The following NFASC variants were observed in gnomAD, a reference collection of about 807,000 sequenced individuals.
The protein encoded by NFASC is neurofascin homolog.
A neutral mutation model predicts 147.5 loss-of-function variants in NFASC; 43 were observed. The ratio of observed to expected loss-of-function variants is 0.29; its 90% confidence interval spans 0.23 to 0.38. The LOEUF (loss-of-function observed/expected upper bound fraction) is 0.38. Ranked by LOEUF, NFASC falls within the 10% of genes least tolerant of loss-of-function variation. The pLI, the probability that NFASC is intolerant of heterozygous loss-of-function variation, is 1.00. For missense variants in NFASC, 1,320 were observed against 1,689.0 expected (o/e 0.78, Z 3.83); for synonymous variants, 622 against 665.5 (o/e 0.93, Z 1.01).
chr1:204,897,319 G>T (rs1210157679), intron 1 of NFASC, among the ~76,000 whole-genome samples: 1 of 152,158 alleles, frequency 6.6e-6, no homozygotes. Flanking sequence ...GTGCCTGTGG[G>T]CAGGCTGGGA....
At chr1:204,895,990 A>T (rs2083308790) in intron 1 of NFASC, among the ~76,000 whole-genome samples, 1 of 152,148 alleles carries the variant, frequency 6.6e-6, no homozygotes, top group Admixed American at 6.5e-5. Context: ...TGCAAAGGGG[A>T]TCAGTGTCCA....
Position 204,919,314 on chromosome 1 carries a change from C to T in NFASC, c.-199-1318C>T, listed in dbSNP as rs533246013. On this transcript the variant is annotated intron_variant, in intron 1 of 29. Transcript: ENST00000339876. ...TGCTAGGATTACAGGCGTGAGCCACCGCACCTGGCCCCTGTAGGTCTTTTA... is the reference window on the plus strand; with the variant it reads ...TGCTAGGATTACAGGCGTGAGCCACTGCACCTGGCCCCTGTAGGTCTTTTA... Among the ~76,000 whole-genome samples, 12 of 152,236 alleles carry T rather than the reference C, an allele frequency of 7.9e-5. No homozygotes were observed. In the East Asian group the frequency reaches 1.2e-3, roughly 15 times the overall value.
In NFASC at chr1:205,016,653, G is replaced by A. The variant is rs1574572261; in HGVS notation, c.*114G>A. 5.2e-6 allele frequency: 4 copies of A among 771,608 alleles called. No individual in the cohort carries two copies. The highest frequency in any genetic ancestry group is 2.7e-5 in the East Asian group (1 of 37,554). 47.8% of individuals were successfully genotyped at this position (771,608 alleles called of 1,614,324 possible). Reference sequence around the variant, plus strand: ...CCACCACCTTCAGTAACAAGGGTACGATATGGGGGTCTGCCAAGCTGTGAG... The same window carrying A: ...CCACCACCTTCAGTAACAAGGGTACAATATGGGGGTCTGCCAAGCTGTGAG... On this transcript the variant is annotated 3_prime_UTR_variant, in exon 30 of 30. Transcript: ENST00000339876. The surrounding 1 kb of genome is among the most constrained non-coding windows in gnomAD (Gnocchi z 5.1).
At chr1:204,897,651 G>T (rs1474528169) in intron 1 of NFASC, among the ~76,000 whole-genome samples, 2 of 151,268 alleles carry the variant, frequency 1.3e-5, no homozygotes, top group African/African-American at 4.9e-5. Flanking sequence ...ATGGCTCACT[G>T]CAGCCTCAAC....
intron 3 of NFASC, chr1:204,946,983 T>C: frequency 2.8e-6 from 1 of 356,788 alleles, no homozygotes; most frequent in Non-Finnish European, 5.6e-6. Context: ...TTTGCTTGCC[T>C]GGGGCACCTG....
rs1346172681 is a variant in NFASC at position 204,920,757 on chromosome 1, C to A, written c.-91+17C>A. 3 of 1,208,870 alleles carry A rather than the reference C, an allele frequency of 2.5e-6. No individual in the cohort carries two copies. Among genetic ancestry groups the A allele is most frequent in the Non-Finnish European group, 2.2e-6 (2 of 915,478 alleles). 74.9% of individuals were successfully genotyped at this position (1,208,870 alleles called of 1,614,324 possible). A position where few individuals can be genotyped will look rare whatever the true frequency, so the allele number is the denominator to read the frequency against. ...GCAGAGAAGGTAAGCAGGACTTGGG[C>A]CTGGGGTATGTGTCATTGGAGGGGT... is the stretch of plus-strand genomic sequence containing the variant. On this transcript the variant is annotated intron_variant, in intron 2 of 29. Coordinates refer to ENST00000339876, the MANE Select transcript of NFASC (RefSeq NM_001005388.3).
At chr1:204,946,514 G>A (rs1471850994) in intron 3 of NFASC, 4 of 412,020 alleles carry the variant, frequency 9.7e-6, no homozygotes, top group Non-Finnish European at 2.0e-5. Flanking sequence ...GGTTGCTGCA[G>A]GTCCAGTGGC....
intron 1 of NFASC, among the ~76,000 whole-genome samples, chr1:204,865,769 A>G (rs2077058031): frequency 2.6e-5 from 4 of 152,114 alleles, no homozygotes; most frequent in Admixed American, 2.6e-4. Context: ...GCCTCTTGCA[A>G]TTTCATATGA....
rs539615203 is a variant in NFASC at position 205,019,824 on chromosome 1, T to G, written c.*3285T>G. ...TGCTCTGCCTCTTGGGGCAAGCTCC[T>G]TAACCTGTCTGTATTTTTATGCCTC... On this transcript the variant is annotated 3_prime_UTR_variant, in exon 30 of 30. Transcript: ENST00000339876. 1 of 152,294 alleles carries G rather than the reference T, an allele frequency of 6.6e-6. No individual in the cohort carries two copies. The highest frequency in any genetic ancestry group is 2.4e-5 in the African/African-American group (1 of 41,452). 9.4% of individuals were successfully genotyped at this position (152,294 alleles called of 1,614,324 possible).
intron 8 of NFASC, among the ~76,000 whole-genome samples, chr1:204,967,287 G>A (rs962052132): frequency 2.0e-5 from 3 of 152,074 alleles, no homozygotes; most frequent in South Asian, 2.1e-4. Flanking sequence ...GAAAATTCTC[G>A]TTCTTTTCCC....
chr1:204,890,059 T>A (rs1557996397), intron 1 of NFASC, among the ~76,000 whole-genome samples: 1 of 152,174 alleles, frequency 6.6e-6, no homozygotes, highest in Admixed American at 6.5e-5. Flanking sequence ...CTCCCCTATC[T>A]CTGAGAGCTG....
intron 12 of NFASC, among the ~76,000 whole-genome samples, chr1:204,973,910 G>T (rs1318347503): frequency 1.3e-5 from 2 of 152,214 alleles, no homozygotes; most frequent in Non-Finnish European, 2.9e-5. Flanking sequence ...CTGTGATGGG[G>T]CAGCTATGGA....
intron 24 of NFASC, among the ~76,000 whole-genome samples, chr1:204,995,350 GTGTA>G (rs879385045): frequency 7.9e-5 from 10 of 126,558 alleles, no homozygotes; most frequent in South Asian, 5.4e-4. Context: ...GTGTGTGTGT[GTGTA>G]TGTGTGTCGG....
At chr1:204,919,601 A>G (rs986235533) in intron 1 of NFASC, among the ~76,000 whole-genome samples, 1 of 152,104 alleles carries the variant, frequency 6.6e-6, no homozygotes, top group African/African-American at 2.4e-5. Flanking sequence ...ATTCCCCTCT[A>G]CAAGAGTGGA....
At chr1:204,972,219 G>A (rs1289812264) in intron 11 of NFASC, among the ~76,000 whole-genome samples, 2 of 152,208 alleles carry the variant, frequency 1.3e-5, no homozygotes, top group Non-Finnish European at 1.5e-5. Context: ...GACTTCCCCT[G>A]TAGGTCTGAG....
intron 13 of NFASC, 51 bp downstream of exon 13, chr1:204,974,341 T>C: frequency 1.4e-6 from 2 of 1,402,562 alleles, no homozygotes. Context: ...CTGTCTCATC[T>C]TCTCCTTCCC....
intron 3 of NFASC, 80 bp downstream of exon 3, chr1:204,944,486 A>C: frequency 1.0e-6 from 1 of 979,586 alleles, no homozygotes; most frequent in Non-Finnish European, 1.5e-6. Context: ...GTCAGAGGAA[A>C]GTTCAGATAA....
intron 15 of NFASC, 106 bp from the exon 16 acceptor site, chr1:204,976,565 T>C: frequency 1.3e-6 from 1 of 785,976 alleles, no homozygotes. Context: ...CAGAAGGAGC[T>C]TCCCTTGCCC....
At chr1:204,835,790 C>G in intron 1 of NFASC, among the ~76,000 whole-genome samples, 1 of 152,056 alleles carries the variant, frequency 6.6e-6, no homozygotes, top group Non-Finnish European at 1.5e-5. Context: ...TCTCTGAGCA[C>G]GTACGATGCC....
Sources: allele counts gnomAD v4.1 joint callset (sites outside exome capture counted in the v4.1 genomes callset), GRCh38; gene constraint gnomAD v4.1.1; non-coding constraint Gnocchi (gnomAD v3.1); transcripts MANE v1.5; gene names NCBI Gene and HGNC (gene_info 2026-07-23, HGNC 2026-07-21).